Variants in FTCD observed in about 807,000 individuals in gnomAD.
FTCD encodes formimidoyltransferase-cyclodeaminase.
FTCD carries 76 observed loss-of-function variants against 62.9 expected under a neutral mutation model. The observed-to-expected ratio is 1.21, with a 90% CI of 1.00 to 1.46. The LOEUF (loss-of-function observed/expected upper bound fraction) is 1.46. Ranked by LOEUF, FTCD falls within the 40% of genes most tolerant of loss-of-function variation. FTCD has a pLI of 0.00. For synonymous variants in FTCD, 397 were observed against 336.9 expected, an observed-to-expected ratio of 1.18 and a Z score of -1.95; for missense variants, 845 against 751.3, an observed-to-expected ratio of 1.12 and a Z score of -1.46.
chr21:46,136,353 G>T, downstream of FTCD: 1 of 1,326,652 alleles, frequency 7.5e-7, no homozygotes, highest in South Asian at 1.2e-5. Context: ...AAGTCTCCCA[G>T]GAGCCACTGG....
In FTCD at chr21:46,145,956, T is replaced by C; in HGVS notation, c.969-9A>G. 9 of 1,470,028 alleles carry C rather than the reference T, an allele frequency of 6.1e-6. No homozygotes were observed. Among genetic ancestry groups the C allele is most frequent in the Non-Finnish European group, 7.2e-6 (8 of 1,107,808 alleles). The allele number at this position is 1,470,028 out of a possible 1,614,324, so 91.1% of individuals were successfully genotyped here. A position where few individuals can be genotyped will look rare whatever the true frequency, so the allele number is the denominator to read the frequency against. On this transcript the variant is annotated splice_polypyrimidine_tract_variant and intron_variant, in intron 8 of 13. Transcript: ENST00000397746. Reference sequence around the variant, plus strand: ...GCTCAGGGACCAGGTACCTGCAGGGTGGGCGCGGCTCAGCGGGTCTGGCCG... The same window carrying C: ...GCTCAGGGACCAGGTACCTGCAGGGCGGGCGCGGCTCAGCGGGTCTGGCCG...
downstream of FTCD, chr21:46,136,563 T>C: frequency 8.2e-6 from 13 of 1,584,194 alleles, no homozygotes; most frequent in South Asian, 1.5e-4. Flanking sequence ...GGACCTGCAC[T>C]GAACCCCAGG....
chr21:46,143,948 C>T (rs1249376507), intron 10 of FTCD, among the ~76,000 whole-genome samples: 1 of 152,142 alleles, frequency 6.6e-6, no homozygotes, highest in Non-Finnish European at 1.5e-5. Flanking sequence ...TTTTATGTTC[C>T]ACTCTGTACA....
intron 10 of FTCD, among the ~76,000 whole-genome samples, chr21:46,140,094 T>A (rs988747716): frequency 6.6e-6 from 1 of 152,166 alleles, no homozygotes; most frequent in African/African-American, 2.4e-5. Context: ...GGTACAGATA[T>A]CTCCTTATGT....
chr21:46,143,806 T>C (rs2079069075), intron 10 of FTCD, among the ~76,000 whole-genome samples: 1 of 152,140 alleles, frequency 6.6e-6, no homozygotes, highest in Non-Finnish European at 1.5e-5. Context: ...GAAAAGGCAG[T>C]CTCCCTTTCT....
Position 46,151,874 on chromosome 21 carries a change from C to T in FTCD, c.456+18G>A, listed in dbSNP as rs370307012. ...GGTCCACCTCCTTCCCAGGCCCGAC[C>T]GCCCGGGGTGGGGGCACCTTCTTAG... On this transcript the variant is annotated intron_variant, in intron 4 of 13. Coordinates refer to ENST00000397746, the MANE Select transcript of FTCD (RefSeq NM_206965.2). The T allele has an allele frequency of 2.3e-5, 36 of 1,554,898 alleles. No homozygotes were observed. Among genetic ancestry groups the T allele is most frequent in the South Asian group, 5.8e-5 (5 of 85,642 alleles).
At chr21:46,143,401 G>C (rs1423373618) in intron 10 of FTCD, among the ~76,000 whole-genome samples, 1 of 136,082 alleles carries the variant, frequency 7.3e-6, no homozygotes. Context: ...CGGCAAGCCA[G>C]CCAGGTGCCC....
intron 10 of FTCD, 33 bp from the exon 11 acceptor site, chr21:46,138,956 G>T (rs779234077): frequency 2.0e-5 from 31 of 1,570,656 alleles, no homozygotes; most frequent in Non-Finnish European, 2.7e-5. Context: ...CTGGGCGAGG[G>T]ACCGTAGGGG....
intron 10 of FTCD, among the ~76,000 whole-genome samples, chr21:46,139,964 C>T (rs912479279): frequency 2.0e-5 from 3 of 152,216 alleles, no homozygotes; most frequent in South Asian, 4.1e-4. Context: ...TGCGTCCGGC[C>T]GAGGCCTGCC....
chr21:46,137,142 C>A, intron 13 of FTCD, 69 bp from the exon 14 acceptor site: 1 of 1,600,040 alleles, frequency 6.2e-7, no homozygotes, highest in Non-Finnish European at 8.6e-7. Context: ...GCAGCAACCT[C>A]CGACCCCCAC....
rs551203883 is a variant in FTCD at position 46,155,220 on chromosome 21, C to T, written c.54+250G>A. ...TGCCCAACCCCCCACCGAAAGCACC[C>T]GAAAGGCCCCTGAAGCCACAGCCAA... On this transcript the variant is annotated intron_variant, in intron 1 of 13. Coordinates refer to ENST00000397746, the MANE Select transcript of FTCD (RefSeq NM_206965.2). 2.9e-4 allele frequency among the ~76,000 whole-genome samples: 44 copies of T among 152,306 alleles called. No homozygotes were observed. Among genetic ancestry groups the T allele is most frequent in the Non-Finnish European group, 5.0e-4 (34 of 68,016 alleles).
At chr21:46,154,476 C>G in intron 1 of FTCD, 144 bp from the exon 2 acceptor site, 1 of 1,063,982 alleles carries the variant, frequency 9.4e-7, no homozygotes, top group South Asian at 1.4e-5. Flanking sequence ...AGCTGAGCTC[C>G]CACCGAAAGT....
Position 46,154,170 on chromosome 21 carries a change from T to C in FTCD, c.217A>G (p.Ile73Val), listed in dbSNP as rs2079372693. ...TCACCTTGGTGCCTGCTCATGTCGA[T>C]AAGTCGGGAAGCTACCCGGGCAGCG... ...LNAARVASRL[I>V]DMSRHQGEHP... Residue 73 changes from isoleucine to valine, a missense_variant, in exon 2 of 14, where the codon ATC (isoleucine) becomes GTC (valine). By Grantham distance (29) the Ile-to-Val change is conservative (BLOSUM62 3). Transcript: ENST00000397746. 1 of 1,612,776 alleles carries C rather than the reference T, an allele frequency of 6.2e-7. No homozygotes were observed. Among genetic ancestry groups the C allele is most frequent in the African/African-American group, 1.3e-5 (1 of 75,026 alleles).
intron 2 of FTCD, among the ~76,000 whole-genome samples, chr21:46,153,598 C>T (rs539833280): frequency 5.9e-5 from 9 of 152,364 alleles, no homozygotes; most frequent in Non-Finnish European, 7.3e-5. Context: ...TTGCCGCCAC[C>T]GCCCAGGGCT....
intron 7 of FTCD, among the ~76,000 whole-genome samples, chr21:46,147,344 G>A (rs985899956): frequency 2.6e-5 from 4 of 151,716 alleles, no homozygotes; most frequent in Non-Finnish European, 2.9e-5. Context: ...TGACAGGGCT[G>A]CAGGCCTCAC....
In FTCD at chr21:46,137,350, G is replaced by T. The variant is rs541436447; in HGVS notation, c.1444-16C>A. 6.3e-7 allele frequency: 1 copy of T among 1,599,798 alleles called. No individual in the cohort carries two copies. Among genetic ancestry groups the T allele is most frequent in the South Asian group, 1.1e-5 (1 of 90,758 alleles). ...TGGCCGCCACCTGCAAGGACCCCAG[G>T]GAGCCCCTACATGGATCAAGGCTGA... On this transcript the variant is annotated splice_polypyrimidine_tract_variant and intron_variant, in intron 12 of 13. Coordinates refer to ENST00000397746, the MANE Select transcript of FTCD (RefSeq NM_206965.2).
chr21:46,138,196 T>C (rs2078912893), intron 12 of FTCD, among the ~76,000 whole-genome samples: 1 of 152,070 alleles, frequency 6.6e-6, no homozygotes, highest in South Asian at 2.1e-4. Context: ...TGGGCTGACA[T>C]AGGTGTTTTC....
Position 46,151,699 on chromosome 21 carries a change from G to C in FTCD, c.495C>G (p.Ser165Arg). 1 of 1,613,012 alleles carries C rather than the reference G, an allele frequency of 6.2e-7. No individual in the cohort carries two copies. The highest frequency in any genetic ancestry group is 8.5e-7 in the Non-Finnish European group (1 of 1,179,976). The change falls in exon 5 of 14, where the codon AGC becomes AGG. Residue 165 changes from serine to arginine, a missense_variant. Coordinates refer to ENST00000397746, the MANE Select transcript of FTCD (RefSeq NM_206965.2). ...TGGCCCCCCAACTGGGGACAAAGGA[G>C]CTGGGACCAAAGTCGGGCGCCCAGT... ...QADWAPDFGPSSFVPSWGATA... is the reference protein window; with the variant it reads ...QADWAPDFGPRSFVPSWGATA...
chr21:46,138,786 A>T, intron 11 of FTCD, 94 bp downstream of exon 11: 1 of 1,434,520 alleles, frequency 7.0e-7, no homozygotes, highest in Admixed American at 1.7e-5. Flanking sequence ...GCCCAGGCCA[A>T]CCACGCCCCG....
Sources: allele counts gnomAD v4.1 joint callset (sites outside exome capture counted in the v4.1 genomes callset), GRCh38; gene constraint gnomAD v4.1.1; transcripts MANE v1.5; gene names NCBI Gene and HGNC (gene_info 2026-07-23, HGNC 2026-07-21).